Variants in CCDC167 observed in about 807,000 individuals in gnomAD.
The protein encoded by CCDC167 is coiled-coil domain containing 167.
In CCDC167, 15 loss-of-function variants were observed where a neutral mutation model predicts 12.7. The ratio of observed to expected loss-of-function variants is 1.18; its 90% CI spans 0.79 to 1.81. The LOEUF (loss-of-function observed/expected upper bound fraction) is 1.81. CCDC167 is among the 40% of genes most tolerant of loss of function. The pLI is 0.00. For synonymous variants in CCDC167, 52 were observed against 49.0 expected, an observed-to-expected ratio of 1.06 and a Z score of -0.26; for missense variants, 121 against 120.1, an observed-to-expected ratio of 1.01 and a Z score of -0.03.
chr6:37,493,517 T>C (rs1449646882), intron 1 of CCDC167, among the ~76,000 whole-genome samples: 2 of 152,182 alleles, frequency 1.3e-5, no homozygotes, highest in Non-Finnish European at 2.9e-5. Flanking sequence ...CCCCGTCAAG[T>C]GGCGCAGAGC....
intron 1 of CCDC167, among the ~76,000 whole-genome samples, chr6:37,497,533 T>TGGGGTGG (rs142674563): frequency 6.9e-6 from 1 of 143,900 alleles, no homozygotes; most frequent in Admixed American, 7.0e-5. Flanking sequence ...GCCCTATGCT[T>TGGGGTGG]GGGGTCGGGG....
intron 1 of CCDC167, among the ~76,000 whole-genome samples, chr6:37,498,847 T>G (rs963229424): frequency 6.6e-6 from 1 of 151,750 alleles, no homozygotes; most frequent in African/African-American, 2.4e-5. Flanking sequence ...GCAGATTCCT[T>G]GTTAAGAATG....
At chr6:37,492,144 C>G (rs1561799308) in intron 1 of CCDC167, among the ~76,000 whole-genome samples, 1 of 152,228 alleles carries the variant, frequency 6.6e-6, no homozygotes, top group Non-Finnish European at 1.5e-5. Context: ...GGTCGTGTAA[C>G]TGGGAAGGGG....
At position 37,485,160 on chromosome 6, in the gene CCDC167, C is replaced by T. The variant is rs765457716; in HGVS notation, c.77G>A (p.Arg26Gln). The change falls in exon 2 of 4, where the codon CGG becomes CAG. Residue 26 changes from arginine (R) to glutamine (Q), a missense_variant. Coordinates refer to ENST00000373408, the MANE Select transcript of CCDC167 (RefSeq NM_138493.3). ...GGAGTTCACGGCCTCCAGGTCTCTCCGACACTGGGACAGCTTCTCCTCTAG... is the reference window on the plus strand; with the variant it reads ...GGAGTTCACGGCCTCCAGGTCTCTCTGACACTGGGACAGCTTCTCCTCTAG... ...DGLEEKLSQC[R>Q]RDLEAVNSRL... is the part of the protein sequence containing the mutation. 2.1e-5 allele frequency: 34 copies of T among 1,613,456 alleles called. No homozygotes were observed. Among genetic ancestry groups the T allele is most frequent in the Admixed American group, 6.7e-5 (4 of 60,006 alleles).
At chr6:37,484,916 AG>A in intron 2 of CCDC167, 54 bp from the exon 3 acceptor site, 1 of 1,603,462 alleles carries the variant, frequency 6.2e-7, no homozygotes, top group South Asian at 1.1e-5. Flanking sequence ...TCCCCACCCG[AG>A]GGGCAGCTGG....
intron 3 of CCDC167, among the ~76,000 whole-genome samples, chr6:37,484,438 C>T (rs1031544163): frequency 1.3e-5 from 2 of 151,926 alleles, no homozygotes; most frequent in Non-Finnish European, 2.9e-5. Context: ...CTTCCTTCAC[C>T]CCTCACTTCC....
chr6:37,485,798 T>C lies in CCDC167; in HGVS notation c.43-604A>G, dbSNP rs185525995. 2.0e-5 allele frequency among the ~76,000 whole-genome samples: 3 copies of C among 152,350 alleles called. No homozygotes were observed. The East Asian group carries it at 5.8e-4, about 29-fold the overall frequency. ...AATCAAAAATTACTGAGAAAAATGC[T>C]CAAAAACACCTTTCTTCCTCTCTGA... On this transcript the variant is annotated intron_variant, in intron 1 of 3. Coordinates refer to ENST00000373408, the MANE Select transcript of CCDC167 (RefSeq NM_138493.3).
intron 3 of CCDC167, 50 bp downstream of exon 3, chr6:37,484,760 G>A: frequency 6.2e-7 from 1 of 1,608,932 alleles, no homozygotes; most frequent in Non-Finnish European, 8.5e-7. Context: ...GACCCTTCCT[G>A]GTTCTGGGGA....
intron 1 of CCDC167, among the ~76,000 whole-genome samples, chr6:37,487,493 C>A (rs553118339): frequency 2.5e-4 from 38 of 152,332 alleles, no homozygotes; most frequent in African/African-American, 8.9e-4. Flanking sequence ...TAGACATGCA[C>A]ATAAATTGTA....
Position 37,483,309 on chromosome 6 carries a change from T to TA in CCDC167, c.191-21dup. On this transcript the variant is annotated intron_variant, in intron 3 of 3. Coordinates refer to ENST00000373408, the MANE Select transcript of CCDC167 (RefSeq NM_138493.3). ...CCTTCTCTGGGAGGAAAGAGGGTGA[T>TA]AGGGATAGGACAGGCAGTTTAGGCC... is the stretch of plus-strand genomic sequence containing the variant. 1 of 1,570,532 alleles carries TA rather than the reference T, an allele frequency of 6.4e-7. No individual in the cohort carries two copies. The highest frequency in any genetic ancestry group is 1.1e-5 in the South Asian group (1 of 90,170).
Position 37,483,335 on chromosome 6 carries a change from C to T in CCDC167, c.191-46G>A, listed in dbSNP as rs76904111. On this transcript the variant is annotated intron_variant, in intron 3 of 3. Transcript: ENST00000373408. ...AGGGATAGGACAGGCAGTTTAGGCC[C>T]GTCTGTTCTGCTCTGCCTCTCCAAC... The T allele has an allele frequency of 4.5e-3, 6,040 of 1,338,168 alleles. 231 individuals are homozygous for T. The African/African-American group carries it at 0.072, about 16-fold the overall frequency. 82.9% of individuals were successfully genotyped at this position (1,338,168 alleles called of 1,614,324 possible). A position where few individuals can be genotyped will look rare whatever the true frequency, so the allele number is the denominator to read the frequency against.
intron 1 of CCDC167, among the ~76,000 whole-genome samples, chr6:37,499,244 T>C (rs1762135640): frequency 6.6e-6 from 1 of 152,216 alleles, no homozygotes; most frequent in Admixed American, 6.5e-5. Flanking sequence ...TTCCCTTCTA[T>C]ATGCAGCAAA....
chr6:37,486,641 G>C (rs1761946546), intron 1 of CCDC167, among the ~76,000 whole-genome samples: 1 of 152,216 alleles, frequency 6.6e-6, no homozygotes, highest in South Asian at 2.1e-4. Context: ...CGACCACAGA[G>C]CCTTGAGTTA....
At chr6:37,484,697 C>T (rs1200683794) in intron 3 of CCDC167, 113 bp downstream of exon 3, 3 of 1,245,360 alleles carry the variant, frequency 2.4e-6, no homozygotes, top group East Asian at 2.3e-5. Flanking sequence ...GGCTGGTTCC[C>T]TCCCAAAGAA....
chr6:37,483,426 A>T (rs1307851588), intron 3 of CCDC167, 137 bp from the exon 4 acceptor site: 2 of 633,630 alleles, frequency 3.2e-6, no homozygotes, highest in African/African-American at 3.6e-5. Flanking sequence ...CATAAAAATG[A>T]CTCTGCCCTT....
At chr6:37,490,572 G>A (rs1762005364) in intron 1 of CCDC167, among the ~76,000 whole-genome samples, 1 of 152,156 alleles carries the variant, frequency 6.6e-6, no homozygotes, top group South Asian at 2.1e-4. Context: ...CCTGGGGCAG[G>A]GAATTGAGGC....
At chr6:37,483,864 G>C (rs1194150508) in intron 3 of CCDC167, among the ~76,000 whole-genome samples, 1 of 152,198 alleles carries the variant, frequency 6.6e-6, no homozygotes, top group Non-Finnish European at 1.5e-5. Flanking sequence ...AATCAGTCCT[G>C]CTGCTCTATG....
intron 1 of CCDC167, among the ~76,000 whole-genome samples, chr6:37,497,645 G>A (rs1762115226): frequency 1.3e-5 from 2 of 152,100 alleles, no homozygotes; most frequent in African/African-American, 2.4e-5. Context: ...CCTAAGGTCA[G>A]GAGTTCGAGA....
chr6:37,497,068 C>A (rs143459661), intron 1 of CCDC167, among the ~76,000 whole-genome samples: 15 of 152,330 alleles, frequency 9.8e-5, no homozygotes, highest in African/African-American at 3.4e-4. Context: ...GTACTCTAGA[C>A]CAGGAGTTGG....
Sources: allele counts gnomAD v4.1 joint callset (sites outside exome capture counted in the v4.1 genomes callset), GRCh38; gene constraint gnomAD v4.1.1; transcripts MANE v1.5; gene names NCBI Gene and HGNC (gene_info 2026-07-23, HGNC 2026-07-21).